SDK2: variants seen among roughly 807,000 people sequenced by gnomAD.
SDK2 encodes the protein protein sidekick-2.
SDK2 carries 105 observed loss-of-function variants against 253.9 expected under a neutral mutation model. That is an observed-to-expected ratio of 0.41 (90% CI 0.35 to 0.49). SDK2 has a LOEUF of 0.49. SDK2 is among the 20% of genes least tolerant of loss of function. SDK2 has a pLI of 0.06. For synonymous variants in SDK2, 1,249 were observed against 1,234.9 expected (o/e 1.01, Z -0.24); for missense variants, 2,608 against 3,003.0 (o/e 0.87, Z 3.07).
At chr17:73,581,750 G>A (rs748259106) in intron 1 of SDK2, among the ~76,000 whole-genome samples, 2 of 152,224 alleles carry the variant, frequency 1.3e-5, no homozygotes, top group African/African-American at 4.8e-5. Flanking sequence ...TGCACCTGAC[G>A]CAGGGCCTAT....
chr17:73,602,653 T>C (rs923708137), intron 1 of SDK2, among the ~76,000 whole-genome samples: 2 of 152,090 alleles, frequency 1.3e-5, no homozygotes, highest in African/African-American at 4.8e-5. Context: ...AGGAAATCTA[T>C]GTTCGGGTCT....
At chr17:73,425,204 A>G (rs1019826663) in intron 12 of SDK2, among the ~76,000 whole-genome samples, 1 of 152,194 alleles carries the variant, frequency 6.6e-6, no homozygotes, top group African/African-American at 2.4e-5. Flanking sequence ...TGGGCGACAC[A>G]GCAAAACTCC....
chr17:73,344,427 G>A (rs1159947974), intron 44 of SDK2, among the ~76,000 whole-genome samples: 3 of 152,180 alleles, frequency 2.0e-5, no homozygotes, highest in African/African-American at 7.2e-5. Context: ...GCAGCTGCAC[G>A]AGGCCAGGCT....
chr17:73,400,894 T>G (rs1214008074), intron 21 of SDK2, 126 bp downstream of exon 21: 5 of 891,526 alleles, frequency 5.6e-6, no homozygotes, highest in Non-Finnish European at 8.4e-6. Context: ...GTGATACGCC[T>G]GCCTCAGCCT....
chr17:73,499,775 T>C (rs1230994188), intron 2 of SDK2, among the ~76,000 whole-genome samples: 1 of 152,104 alleles, frequency 6.6e-6, no homozygotes, highest in Non-Finnish European at 1.5e-5. Flanking sequence ...GATTCACCTG[T>C]TGTGAGATGA....
At chr17:73,405,632 G>A (rs71380176) in intron 18 of SDK2, among the ~76,000 whole-genome samples, 36,026 of 149,430 alleles carry the variant, frequency 0.24, 6,193 homozygotes, top group African/African-American at 0.49. Flanking sequence ...TTCCAGGACC[G>A]CCCGCAGATA....
chr17:73,387,910 G>T lies in SDK2; in HGVS notation c.4320C>A (p.Arg1440=), dbSNP rs372583655. 1.9e-6 allele frequency: 3 copies of T among 1,591,440 alleles called. No individual in the cohort carries two copies. The highest frequency in any genetic ancestry group is 3.5e-5 in the Admixed American group (2 of 56,716). The change falls in exon 30 of 45, where the codon CGC becomes CGA. Residue 1440 remains arginine, a synonymous_variant. Transcript: ENST00000392650. ...GTGCCCACCTGCCGCTGGGCAGCTC[G>T]CGGGTCTGGATGGTGTAGTAGCGCA... ...SPVRYYTIQT[R]ELPSGRWALH...
In SDK2 at chr17:73,465,956, C is replaced by A. The variant is rs2063593959; in HGVS notation, c.331+6156G>T. ...CTGCGTGTGTGTGTAAGGAGACAGA[C>A]GGATTGGCAGACAGGCAGCTGCAGC... On this transcript the variant is annotated intron_variant, in intron 3 of 44. Coordinates refer to ENST00000392650, the MANE Select transcript of SDK2 (RefSeq NM_001144952.2). The surrounding 1 kb of genome is among the most constrained non-coding windows in gnomAD (Gnocchi z 4.2). Among the ~76,000 whole-genome samples the A allele has an allele frequency of 6.6e-6, 1 of 152,160 alleles. No individual in the cohort carries two copies. The highest frequency in any genetic ancestry group is 1.5e-5 in the Non-Finnish European group (1 of 68,022).
intron 1 of SDK2, among the ~76,000 whole-genome samples, chr17:73,558,898 C>T (rs1440806287): frequency 6.6e-6 from 1 of 152,216 alleles, no homozygotes; most frequent in Non-Finnish European, 1.5e-5. Flanking sequence ...CTCTCACTCA[C>T]TGCAGTAGCG....
rs571944893 is a variant in SDK2, at chr17:73,377,588, G to T, written c.4980+1589C>A. ...GTTAGTGCTTACTTTTCACCCCTCG[G>T]GGGGTGAGAGCTGCCAGACTTGGAA... On this transcript the variant is annotated intron_variant, in intron 36 of 44. Coordinates refer to ENST00000392650, the MANE Select transcript of SDK2 (RefSeq NM_001144952.2). Among the ~76,000 whole-genome samples, 15 of 151,478 alleles carry T rather than the reference G, an allele frequency of 9.9e-5. No individual in the cohort carries two copies. In the South Asian group the frequency reaches 3.1e-3, roughly 32 times the overall value.
intron 3 of SDK2, among the ~76,000 whole-genome samples, chr17:73,464,569 T>C (rs540764594): frequency 2.0e-5 from 3 of 152,316 alleles, no homozygotes; most frequent in South Asian, 4.1e-4. Context: ...CCAAGTTCTC[T>C]CCTTCCAGCC....
intron 1 of SDK2, among the ~76,000 whole-genome samples, chr17:73,591,565 G>T (rs117435318): frequency 8.5e-5 from 13 of 152,178 alleles, no homozygotes; most frequent in Non-Finnish European, 1.6e-4. Context: ...CCTGTAGGAC[G>T]TGTAGAATAC....
rs1420163840 is a variant in SDK2 at position 73,439,274 on chromosome 17, G to T, written c.726-1120C>A. Among the ~76,000 whole-genome samples, 3 of 152,124 alleles carry T rather than the reference G, an allele frequency of 2.0e-5. 1 individual carries two copies. The East Asian group carries it at 5.8e-4, about 29-fold the overall frequency. ...TGGTGCCATGTTTCTTGTACAGCCA[G>T]CAGAGCCGTGAGCCAAATAAACCTC... On this transcript the variant is annotated intron_variant, in intron 6 of 44. Transcript: ENST00000392650.
chr17:73,521,629 T>C (rs2145786772), intron 1 of SDK2, among the ~76,000 whole-genome samples: 1 of 151,906 alleles, frequency 6.6e-6, no homozygotes, highest in South Asian at 2.1e-4. Context: ...TTCTGGAGGG[T>C]GGGGATGCAT....
chr17:73,437,931 C>CAG (rs1567772985), intron 7 of SDK2, 33 bp downstream of exon 7: 1 of 1,568,614 alleles, frequency 6.4e-7, no homozygotes, highest in Non-Finnish European at 8.6e-7. Context: ...CCCTACCCCT[C>CAG]AGGGGAGCCC....
intron 38 of SDK2, among the ~76,000 whole-genome samples, chr17:73,363,019 C>T (rs1374285468): frequency 1.3e-5 from 2 of 152,230 alleles, no homozygotes; most frequent in Non-Finnish European, 2.9e-5. Context: ...GGCAGGGATG[C>T]TATGAGCTTT....
chr17:73,550,968 C>T (rs1474821202), intron 1 of SDK2, among the ~76,000 whole-genome samples: 3 of 152,152 alleles, frequency 2.0e-5, no homozygotes, highest in African/African-American at 4.8e-5. Context: ...CCCTTGCCTA[C>T]CTCCTGTCTC....
chr17:73,451,115 G>A (rs139540056), intron 4 of SDK2, among the ~76,000 whole-genome samples: 25 of 152,354 alleles, frequency 1.6e-4, no homozygotes, highest in African/African-American at 4.8e-4. Context: ...CGCCTCCTGC[G>A]CGATCCTCAT....
chr17:73,413,752 G>A (rs1403866348), intron 18 of SDK2, among the ~76,000 whole-genome samples: 2 of 152,164 alleles, frequency 1.3e-5, no homozygotes, highest in Non-Finnish European at 2.9e-5. Flanking sequence ...GTTATTCAGC[G>A]GTGCGAGCAG....
Sources: gnomAD v4.1 joint callset for allele counts (sites outside exome capture counted in the v4.1 genomes callset) on GRCh38, gnomAD v4.1.1 for gene constraint, Gnocchi (gnomAD v3.1) non-coding constraint, MANE v1.5 for transcripts, NCBI Gene and HGNC (gene_info 2026-07-23, HGNC 2026-07-21) for gene names.